ZNF655: variants seen among roughly 807,000 people sequenced by gnomAD.
ZNF655 encodes Vav-interacting Kruppel-like protein 1.
Under a neutral mutation model 6.6 loss-of-function variants are expected in ZNF655, and 3 were observed. The ratio of observed to expected loss-of-function variants is 0.46; its 90% CI spans 0.21 to 1.18. The LOEUF (loss-of-function observed/expected upper bound fraction) is 1.18, where lower values mean the gene tolerates loss of function less well. ZNF655 is among the 50% of genes most tolerant of loss of function. The pLI is 0.24. For synonymous variants in ZNF655, 178 were observed against 195.0 expected (o/e 0.91, Z 0.73); for missense variants, 526 against 572.3 (o/e 0.92, Z 0.83).
intron 2 of ZNF655, chr7:99,571,277 C>G (rs1315266171): frequency 7.8e-7 from 1 of 1,289,522 alleles, no homozygotes. Flanking sequence ...AACCATGCAG[C>G]AGGTGCTTGA....
At chr7:99,559,503 G>A (rs922426998) in intron 1 of ZNF655, among the ~76,000 whole-genome samples, 2 of 152,098 alleles carry the variant, frequency 1.3e-5, no homozygotes, top group African/African-American at 2.4e-5. Context: ...TTCGAGTCCA[G>A]CCTGGGCAAC....
rs574892459 is a variant in ZNF655, at chr7:99,573,413, G to A, written c.1305G>A (p.Ser435=). ...QHHKMHRKEK[S]YECNEYEGSF... is the part of the protein sequence containing the mutation. ...ACAAAATGCATAGGAAAGAGAAATCGTATGAATGTAATGAGTATGAGGGCA... is the reference window on the plus strand; with the variant it reads ...ACAAAATGCATAGGAAAGAGAAATCATATGAATGTAATGAGTATGAGGGCA... Residue 435 remains serine, a synonymous_variant, in exon 3 of 3, where the codon TCG becomes TCA. Coordinates refer to ENST00000252713, the MANE Select transcript of ZNF655 (RefSeq NM_138494.3). 2.6e-4 allele frequency: 422 copies of A among 1,614,076 alleles called. 5 individuals carry two copies. The South Asian group carries it at 4.3e-3, about 17-fold the overall frequency.
At chr7:99,571,527 G>A (rs1804068182) in intron 2 of ZNF655, 2 of 1,057,970 alleles carry the variant, frequency 1.9e-6, no homozygotes, top group Non-Finnish European at 2.6e-6. Context: ...ACAAATCTGA[G>A]CTCCTTGTAG....
rs1377067819 is a variant in ZNF655 at position 99,575,250 on chromosome 7, A to T, written c.*1666A>T. Reference sequence around the variant, plus strand: ...TCTTGGTAGGGTAAACATAAAGAAGATACACAGGCCGGGCATGGTGGCTCA... The same window carrying T: ...TCTTGGTAGGGTAAACATAAAGAAGTTACACAGGCCGGGCATGGTGGCTCA... On this transcript the variant is annotated 3_prime_UTR_variant, in exon 3 of 3. Coordinates refer to ENST00000252713, the MANE Select transcript of ZNF655 (RefSeq NM_138494.3). The T allele has an allele frequency of 6.6e-6, 1 of 152,552 alleles. No individual in the cohort carries two copies. Among genetic ancestry groups the T allele is most frequent in the Non-Finnish European group, 1.5e-5 (1 of 68,178 alleles). The allele number at this position is 152,552 out of a possible 1,614,324, so 9.4% of individuals were successfully genotyped here.
At chr7:99,571,653 A>T in intron 2 of ZNF655, 1 of 1,485,694 alleles carries the variant, frequency 6.7e-7, no homozygotes, top group Non-Finnish European at 9.3e-7. Flanking sequence ...ACCTGGGGAT[A>T]CATTGCCACA....
intron 2 of ZNF655, among the ~76,000 whole-genome samples, chr7:99,567,008 C>T (rs2151160408): frequency 6.6e-6 from 1 of 152,226 alleles, no homozygotes; most frequent in Middle Eastern, 3.4e-3. Flanking sequence ...CAACCTCCGC[C>T]TCTCAGGCCC....
In ZNF655 at chr7:99,573,147, GAAC is replaced by G. The variant is rs780525150; in HGVS notation, c.1041_1043del (p.Glu347_His348delinsAsp). On this transcript the variant is annotated inframe_deletion, in exon 3 of 3. Coordinates refer to ENST00000252713, the MANE Select transcript of ZNF655 (RefSeq NM_138494.3). ...CTTCTGCCATACTTCATACCTACTTGAACATCAGAGGGTCCATCATGAAGAGAA... is the reference window on the plus strand; with the variant it reads ...CTTCTGCCATACTTCATACCTACTTGATCAGAGGGTCCATCATGAAGAGAA... 2 of 1,613,968 alleles carry G rather than the reference GAAC, an allele frequency of 1.2e-6. No individual in the cohort carries two copies. The highest frequency in any genetic ancestry group is 2.7e-5 in the African/African-American group (2 of 74,916).
chr7:99,571,195 CAA>C (rs1302248856), intron 2 of ZNF655: 2 of 1,268,102 alleles, frequency 1.6e-6, no homozygotes, highest in Non-Finnish European at 2.1e-6. Context: ...TGTACTGAAA[CAA>C]ATTGTTTCTT....
Position 99,560,628 on chromosome 7 carries a change from G to C in ZNF655, c.69G>C (p.Gln23His). 6.2e-7 allele frequency: 1 copy of C among 1,614,226 alleles called. No individual in the cohort carries two copies. The highest frequency in any genetic ancestry group is 8.5e-7 in the Non-Finnish European group (1 of 1,180,024). Residue 23 changes from glutamine (Q) to histidine (H), a missense_variant, in exon 2 of 3, where the codon CAG becomes CAC. By Grantham distance (24) the Gln-to-His change is conservative. Coordinates refer to ENST00000252713, the MANE Select transcript of ZNF655 (RefSeq NM_138494.3). The part of the protein sequence containing the change: ...PRVQFQSLET[Q>H]SECLSPEPQF... Reference sequence around the variant, plus strand: ...TCCAGTTTCAGTCTTTGGAGACCCAGTCTGAGTGTCTGTCCCCAGAGCCTC... The same window carrying C: ...TCCAGTTTCAGTCTTTGGAGACCCACTCTGAGTGTCTGTCCCCAGAGCCTC...
In ZNF655 at chr7:99,562,496, TA is replaced by T. The variant is rs770329705; in HGVS notation, c.136+1803del. 23 of 1,609,358 alleles carry T rather than the reference TA, an allele frequency of 1.4e-5. No individual in the cohort carries two copies. The East Asian group carries it at 4.9e-4, about 34-fold the overall frequency. On this transcript the variant is annotated intron_variant, in intron 2 of 2. Transcript: ENST00000252713. ...ATTATGGGAACGTGGTCTCACTGGG[TA>T]AGGACTTCCTTATTATTCGGTTTAT...
intron 2 of ZNF655, chr7:99,571,245 A>T (rs1472091942): frequency 1.6e-6 from 2 of 1,288,920 alleles, no homozygotes; most frequent in South Asian, 2.5e-5. Flanking sequence ...GTTTTCACTG[A>T]TTCTCTTGCT....
intron 2 of ZNF655, among the ~76,000 whole-genome samples, chr7:99,566,377 C>T (rs1436131792): frequency 5.3e-5 from 8 of 152,100 alleles, no homozygotes; most frequent in Non-Finnish European, 1.2e-4. Context: ...CCAGAAAGGA[C>T]ATGCATTCAA....
At chr7:99,559,786 T>C (rs12536330) in intron 1 of ZNF655, among the ~76,000 whole-genome samples, 1 of 113,366 alleles carries the variant, frequency 8.8e-6, no homozygotes, top group Non-Finnish European at 1.8e-5. Context: ...GGCCACCTAA[T>C]TTTTTTTTTT....
intron 2 of ZNF655, among the ~76,000 whole-genome samples, chr7:99,565,361 G>C (rs1479127510): frequency 6.6e-6 from 1 of 152,058 alleles, no homozygotes; most frequent in Non-Finnish European, 1.5e-5. Flanking sequence ...AGTAGAGATG[G>C]GGTTTTGCCA....
intron 1 of ZNF655, 79 bp downstream of exon 1, chr7:99,558,866 G>T (rs1802820570): frequency 6.6e-6 from 1 of 152,360 alleles, no homozygotes; most frequent in Non-Finnish European, 1.5e-5. Flanking sequence ...AGGAGGCGGC[G>T]TCCGGCCGCG....
intron 2 of ZNF655, among the ~76,000 whole-genome samples, chr7:99,569,391 T>C (rs1803866412): frequency 6.6e-6 from 1 of 152,200 alleles, no homozygotes; most frequent in Admixed American, 6.5e-5. Context: ...TGTGTGTAAT[T>C]TGGAGGAAGG....
intron 2 of ZNF655, chr7:99,571,032 G>A (rs1237143369): frequency 7.5e-6 from 2 of 265,608 alleles, no homozygotes; most frequent in African/African-American, 4.6e-5. Flanking sequence ...AGCTGTCTCT[G>A]TGTAGAGTGT....
intron 2 of ZNF655, chr7:99,563,237 TC>T: frequency 2.3e-6 from 1 of 443,164 alleles, no homozygotes; most frequent in Non-Finnish European, 4.6e-6. Context: ...CTGGGAAGCA[TC>T]AGTGGGGTTT....
At chr7:99,562,036 C>A in intron 2 of ZNF655, 1 of 1,381,924 alleles carries the variant, frequency 7.2e-7, no homozygotes, top group African/African-American at 1.5e-5. Flanking sequence ...TGTGGCCTCT[C>A]TCTCATCCCA....
Sources: allele counts gnomAD v4.1 joint callset (sites outside exome capture counted in the v4.1 genomes callset), GRCh38; gene constraint gnomAD v4.1.1; transcripts MANE v1.5; gene names NCBI Gene and HGNC (gene_info 2026-07-23, HGNC 2026-07-21).